Variants in HEATR1 observed in about 807,000 individuals in gnomAD.
HEATR1 encodes HEAT repeat containing 1.
Under a neutral mutation model 248.2 loss-of-function variants are expected in HEATR1, and 77 were observed. That is an observed-to-expected ratio of 0.31 (90% confidence interval 0.26 to 0.37). HEATR1 has a LOEUF of 0.37. HEATR1 is among the 10% of genes least tolerant of loss of function. The pLI is 1.00. For missense variants in HEATR1, 2,420 were observed against 2,504.9 expected (o/e 0.97, Z 0.72); for synonymous variants, 897 against 923.1 (o/e 0.97, Z 0.51).
At chr1:236,595,342 T>C (rs1375685902) in intron 8 of HEATR1, among the ~76,000 whole-genome samples, 198 bp downstream of exon 8, 2 of 152,172 alleles carry the variant, frequency 1.3e-5, no homozygotes, top group Non-Finnish European at 2.9e-5. Flanking sequence ...TCTAAGAAAT[T>C]ACTCAATTAA....
chr1:236,580,530 T>TTTTTTC (rs1663691826), intron 20 of HEATR1, among the ~76,000 whole-genome samples: 1 of 151,054 alleles, frequency 6.6e-6, no homozygotes, highest in Non-Finnish European at 1.5e-5. Context: ...TTTTTTTTTT[T>TTTTTTC]TTTTGAGACA....
At chr1:236,578,934 T>C in intron 20 of HEATR1, among the ~76,000 whole-genome samples, 1 of 152,212 alleles carries the variant, frequency 6.6e-6, no homozygotes, top group East Asian at 1.9e-4. Context: ...GATATCTAAA[T>C]TCCTTTTACA....
chr1:236,577,834 TA>T (rs1663605625), intron 20 of HEATR1, among the ~76,000 whole-genome samples: 1 of 152,198 alleles, frequency 6.6e-6, no homozygotes, highest in Non-Finnish European at 1.5e-5. Flanking sequence ...TTCCATATTT[TA>T]AAAACCGGTA....
Position 236,555,625 on chromosome 1 carries a change from T to A in HEATR1, c.5680A>T (p.Asn1894Tyr). The A allele has an allele frequency of 6.2e-7, 1 of 1,614,220 alleles. No homozygotes were observed. The change falls in exon 40 of 45, where the codon AAT becomes TAT. Residue 1894 changes from asparagine to tyrosine, a missense_variant. Transcript: ENST00000366582. ...GCTACTAGACAGTCAATGATACAAT[T>A]TTCCGTTTTTCCAACTTCCTCCAGA... ...NDLEEVGKTE[N>Y]CIIDCLVAMV... is the part of the protein sequence containing the mutation.
chr1:236,575,732 T>C (rs1663547615), intron 22 of HEATR1, among the ~76,000 whole-genome samples: 1 of 152,236 alleles, frequency 6.6e-6, no homozygotes, highest in Admixed American at 6.5e-5. Flanking sequence ...GGTCAGCACA[T>C]GCCATCACAT....
chr1:236,585,959 A>G lies in HEATR1; in HGVS notation c.1928-18T>C. 6.2e-7 allele frequency: 1 copy of G among 1,612,880 alleles called. No homozygotes were observed. ...TTCAAGAGCTGTAAAGTAAAATCGA[A>G]TGCAGAGAGCTCTTATGTCACCAAC... On this transcript the variant is annotated intron_variant, in intron 15 of 44. Coordinates refer to ENST00000366582, the MANE Select transcript of HEATR1 (RefSeq NM_018072.6).
At chr1:236,600,537 AG>A (rs1664294612) in intron 3 of HEATR1, among the ~76,000 whole-genome samples, 2 of 147,460 alleles carry the variant, frequency 1.4e-5, no homozygotes, top group South Asian at 4.3e-4. Flanking sequence ...GCCTTTTATT[AG>A]ATTTTTTTTT....
intron 24 of HEATR1, among the ~76,000 whole-genome samples, chr1:236,573,624 A>G (rs1349974665): frequency 1.3e-5 from 2 of 152,284 alleles, no homozygotes; most frequent in African/African-American, 2.4e-5. Context: ...AGTGCATGAC[A>G]TTATGAGATT....
chr1:236,574,020 T>C (rs1663499811), intron 24 of HEATR1, 182 bp downstream of exon 24: 1 of 438,882 alleles, frequency 2.3e-6, no homozygotes, highest in Non-Finnish European at 3.9e-6. Context: ...TAAAATAAAA[T>C]AATGGTAAAG....
At chr1:236,580,824 A>ATTTTTT (rs71178327) in intron 20 of HEATR1, among the ~76,000 whole-genome samples, 1 of 126,654 alleles carries the variant, frequency 7.9e-6, no homozygotes, top group Non-Finnish European at 1.6e-5. Context: ...GCCTTTATCG[A>ATTTTTT]TTTTTTTTTT....
chr1:236,568,912 T>TA (rs372056226), intron 29 of HEATR1, 84 bp downstream of exon 29: 56 of 664,512 alleles, frequency 8.4e-5, no homozygotes, highest in African/African-American at 1.9e-4. Context: ...AAAAAAAAAC[T>TA]AAAAAAAAGG....
At position 236,599,630 on chromosome 1, in the gene HEATR1, G is replaced by GA; in HGVS notation, c.360-7dup. The GA allele has an allele frequency of 6.3e-7, 1 of 1,593,822 alleles. No individual in the cohort carries two copies. The highest frequency in any genetic ancestry group is 8.5e-7 in the Non-Finnish European group (1 of 1,170,800). ...TATAGAGATGTATATGGAACCTGGG[G>GA]AAAAAAAGCAAACAGTCCAACTGAA... is the stretch of plus-strand genomic sequence containing the variant. On this transcript the variant is annotated splice_polypyrimidine_tract_variant and splice_region_variant and intron_variant, in intron 3 of 44. Transcript: ENST00000366582.
chr1:236,559,124 C>T lies in HEATR1; in HGVS notation c.4782G>A (p.Leu1594=). 1.3e-6 allele frequency: 2 copies of T among 1,580,940 alleles called. No individual in the cohort carries two copies. The highest frequency in any genetic ancestry group is 1.7e-6 in the Non-Finnish European group (2 of 1,169,428). ...CAGGAATGAATGTCTCTGTGGGCAG[C>T]AAGGCATTGACCTAAAGAGAAATTT... ...AYDLLDKVNA[L]LPTETFIPVI... Residue 1594 remains leucine, a synonymous_variant, in exon 35 of 45, where the codon TTG becomes TTA. Coordinates refer to ENST00000366582, the MANE Select transcript of HEATR1 (RefSeq NM_018072.6).
intron 22 of HEATR1, among the ~76,000 whole-genome samples, 172 bp downstream of exon 22, chr1:236,576,040 TTTGTATC>T (rs1315519396): frequency 6.6e-6 from 1 of 152,194 alleles, no homozygotes; most frequent in African/African-American, 2.4e-5. Context: ...AGTACTTGTC[TTTGTATC>T]TTGTATCTGT....
chr1:236,570,385 C>T (rs940306098), intron 28 of HEATR1, among the ~76,000 whole-genome samples: 1 of 152,084 alleles, frequency 6.6e-6, no homozygotes, highest in Non-Finnish European at 1.5e-5. Context: ...ATGACATGTC[C>T]AGCATAGGCA....
rs79225714 is a variant in HEATR1 at position 236,574,683 on chromosome 1, A to G, written c.3305T>C (p.Ile1102Thr). 0.018 allele frequency: 28,574 copies of G among 1,613,658 alleles called. 938 individuals carry two copies. Among genetic ancestry groups the G allele is most frequent in the East Asian group, 0.14 (6,061 of 44,864 alleles). ...GACCTTTTCAAGGGCTGTGATCTGA[A>G]TGGTTGGCATTCCCGCGTAAAGTTC... ...TKELYAGMPTIQITALEKITK... is the reference protein window; with the variant it reads ...TKELYAGMPTTQITALEKITK... The change falls in exon 23 of 45, where the codon ATT (isoleucine) becomes ACT (threonine). Residue 1102 changes from isoleucine to threonine, a missense_variant. Coordinates refer to ENST00000366582, the MANE Select transcript of HEATR1 (RefSeq NM_018072.6).
chr1:236,558,594 T>C (rs1254375007), intron 35 of HEATR1, 65 bp from the exon 36 acceptor site: 5 of 1,470,798 alleles, frequency 3.4e-6, no homozygotes, highest in Admixed American at 2.0e-5. Context: ...CATTTTCCCA[T>C]TGTCACAGCT....
At chr1:236,583,650 C>T (rs1398721883) in intron 17 of HEATR1, among the ~76,000 whole-genome samples, 1 of 152,020 alleles carries the variant, frequency 6.6e-6, no homozygotes, top group African/African-American at 2.4e-5. Flanking sequence ...TCATGCCTGG[C>T]TAATTTTTGT....
chr1:236,597,868 G>A lies in HEATR1; in HGVS notation c.603+10C>T. 6.3e-7 allele frequency: 1 copy of A among 1,580,644 alleles called. No individual in the cohort carries two copies. The highest frequency in any genetic ancestry group is 8.7e-7 in the Non-Finnish European group (1 of 1,150,706). ...CATAAAATTATATACTCATGAAACA[G>A]ACTGCTCACCTTCACAGATTTTGTC... On this transcript the variant is annotated intron_variant, in intron 5 of 44. Coordinates refer to ENST00000366582, the MANE Select transcript of HEATR1 (RefSeq NM_018072.6).
Sources: allele counts gnomAD v4.1 joint callset (sites outside exome capture counted in the v4.1 genomes callset), GRCh38; gene constraint gnomAD v4.1.1; transcripts MANE v1.5; gene names NCBI Gene and HGNC (gene_info 2026-07-23, HGNC 2026-07-21).